TGFB2: variants seen among roughly 807,000 people sequenced by gnomAD.
The protein encoded by TGFB2 is transforming growth factor beta 2.
A neutral mutation model predicts 42.7 loss-of-function variants in TGFB2; 13 were observed. The ratio of observed to expected loss-of-function variants is 0.30; its 90% confidence interval spans 0.20 to 0.48. The LOEUF (loss-of-function observed/expected upper bound fraction) is 0.48, where lower values mean the gene tolerates loss of function less well. Ranked by LOEUF, TGFB2 falls within the 20% of genes least tolerant of loss-of-function variation. The probability of loss-of-function intolerance (pLI) is 0.99; values close to 1 mark genes in which losing one functional copy is unlikely to be tolerated. For missense variants in TGFB2, 390 were observed against 517.5 expected (o/e 0.75, Z 2.39); for synonymous variants, 193 against 193.6 (o/e 1.00, Z 0.03).
chr1:218,366,346 G>T (rs937482267), intron 1 of TGFB2, among the ~76,000 whole-genome samples: 14 of 152,050 alleles, frequency 9.2e-5, no homozygotes, highest in South Asian at 6.3e-4. Flanking sequence ...TCTCTCTGTT[G>T]TCCAGGCTGG....
chr1:218,423,928 T>G (rs1659537679), intron 2 of TGFB2, among the ~76,000 whole-genome samples: 1 of 152,252 alleles, frequency 6.6e-6, no homozygotes, highest in African/African-American at 2.4e-5. Flanking sequence ...AGCCATAGTT[T>G]AGGCTTGTCT....
At chr1:218,369,863 A>G (rs1657516334) in intron 1 of TGFB2, among the ~76,000 whole-genome samples, 1 of 152,250 alleles carries the variant, frequency 6.6e-6, no homozygotes, top group South Asian at 2.1e-4. Flanking sequence ...ATGAGGTCAT[A>G]AGCCAGAGAA....
At chr1:218,390,671 T>C (rs748204550) in intron 1 of TGFB2, among the ~76,000 whole-genome samples, 11 of 152,220 alleles carry the variant, frequency 7.2e-5, no homozygotes, top group Non-Finnish European at 1.6e-4. Flanking sequence ...AGGCTGTTTT[T>C]CTTCCTCTCA....
At chr1:218,396,618 G>C (rs1472576741) in intron 1 of TGFB2, among the ~76,000 whole-genome samples, 1 of 151,466 alleles carries the variant, frequency 6.6e-6, no homozygotes, top group African/African-American at 2.4e-5. Flanking sequence ...TGGCTATATA[G>C]AAAGTAAGTC....
At chr1:218,406,181 T>C (rs781303154) in intron 2 of TGFB2, among the ~76,000 whole-genome samples, 3 of 139,096 alleles carry the variant, frequency 2.2e-5, no homozygotes, top group Non-Finnish European at 3.0e-5. Flanking sequence ...GTCTCCAGTC[T>C]ACCCACTCAA....
chr1:218,430,177 G>A (rs753151347), intron 2 of TGFB2, among the ~76,000 whole-genome samples: 4 of 152,108 alleles, frequency 2.6e-5, no homozygotes, highest in Non-Finnish European at 5.9e-5. Flanking sequence ...TTGGGAGGCT[G>A]AGGTGGGTGG....
chr1:218,425,970 C>CAAACATTTA (rs1171016123), intron 2 of TGFB2, among the ~76,000 whole-genome samples: 2 of 152,182 alleles, frequency 1.3e-5, no homozygotes, highest in Non-Finnish European at 2.9e-5. Context: ...CAAGTCACTG[C>CAAACATTTA]AAACATTTAA....
At chr1:218,361,514 T>C (rs1215317550) in intron 1 of TGFB2, among the ~76,000 whole-genome samples, 1 of 152,156 alleles carries the variant, frequency 6.6e-6, no homozygotes, top group Admixed American at 6.5e-5. Context: ...CACCACGGCG[T>C]ACACTGGCCT....
intron 2 of TGFB2, among the ~76,000 whole-genome samples, chr1:218,408,623 A>T (rs1473650098): frequency 1.3e-5 from 2 of 152,154 alleles, no homozygotes; most frequent in Non-Finnish European, 2.9e-5. Context: ...AGAGAAGACA[A>T]CTCACACACA....
At chr1:218,439,114 A>C (rs566916875) in intron 6 of TGFB2, among the ~76,000 whole-genome samples, 2 of 151,748 alleles carry the variant, frequency 1.3e-5, no homozygotes, top group South Asian at 4.2e-4. Flanking sequence ...TCTCAAAAAA[A>C]AAAAAAAAAA....
intron 2 of TGFB2, 65 bp from the exon 3 acceptor site, chr1:218,434,017 T>C: frequency 6.3e-7 from 1 of 1,595,160 alleles, no homozygotes; most frequent in Non-Finnish European, 8.6e-7. Flanking sequence ...CTGTTAATAG[T>C]TTTGGTTTAG....
intron 2 of TGFB2, among the ~76,000 whole-genome samples, chr1:218,416,211 G>C (rs1659273908): frequency 6.6e-6 from 1 of 151,980 alleles, no homozygotes; most frequent in African/African-American, 2.4e-5. Context: ...CTCATCTCCT[G>C]TCTTGTTACT....
chr1:218,391,866 T>A (rs1284734381), intron 1 of TGFB2, among the ~76,000 whole-genome samples: 3 of 152,214 alleles, frequency 2.0e-5, no homozygotes, highest in African/African-American at 4.8e-5. Flanking sequence ...AGGAAGGGGA[T>A]AGATAGTTCT....
intron 1 of TGFB2, among the ~76,000 whole-genome samples, chr1:218,381,495 C>T (rs1470082065): frequency 2.6e-5 from 4 of 152,012 alleles, no homozygotes; most frequent in African/African-American, 7.3e-5. Context: ...ACCTCGTGAT[C>T]CACCCGCCTC....
chr1:218,429,644 A>G (rs921521493), intron 2 of TGFB2, among the ~76,000 whole-genome samples: 1 of 152,234 alleles, frequency 6.6e-6, no homozygotes, highest in Non-Finnish European at 1.5e-5. Flanking sequence ...GGGTAATTCA[A>G]TGTTTGCCTT....
chr1:218,345,915 C>A lies in TGFB2; in HGVS notation c.-787C>A, dbSNP rs895401275. 2.0e-5 allele frequency among the ~76,000 whole-genome samples: 3 copies of A among 151,896 alleles called. No homozygotes were observed. The highest frequency in any genetic ancestry group is 7.3e-5 in the African/African-American group (3 of 41,366). On this transcript the variant is annotated 5_prime_UTR_variant, in exon 1 of 7. Transcript: ENST00000366930. Reference sequence around the variant, plus strand: ...CGCGCGCCCGCCAGGGTGTAGGCCACGGAGCGCAGCTCCCAGAGCAGGATC... The same window carrying A: ...CGCGCGCCCGCCAGGGTGTAGGCCAAGGAGCGCAGCTCCCAGAGCAGGATC...
At chr1:218,420,535 T>A (rs568582465) in intron 2 of TGFB2, among the ~76,000 whole-genome samples, 1 of 152,162 alleles carries the variant, frequency 6.6e-6, no homozygotes, top group Non-Finnish European at 1.5e-5. Flanking sequence ...CAAAGGTTCA[T>A]CTGTAAAGTT....
rs144023304 is a variant in TGFB2 at position 218,417,852 on chromosome 1, T to G, written c.510+12520T>G. 5.0e-3 allele frequency among the ~76,000 whole-genome samples: 768 copies of G among 152,312 alleles called. 5 individuals are homozygous for G. The highest frequency in any genetic ancestry group is 0.027 in the Admixed American group (412 of 15,296). ...GTGCAAGCCCCAAGCCTTGGCAGCT[T>G]CTACATGGTGTTGAGCCTGTGAGTG... is the stretch of plus-strand genomic sequence containing the variant. On this transcript the variant is annotated intron_variant, in intron 2 of 6. Transcript: ENST00000366930.
At chr1:218,411,009 C>T (rs965450546) in intron 2 of TGFB2, among the ~76,000 whole-genome samples, 1 of 151,746 alleles carries the variant, frequency 6.6e-6, no homozygotes, top group African/African-American at 2.4e-5. Context: ...TCTAAGGGTA[C>T]CCATAACTTC....
Sources: gnomAD v4.1 joint callset for allele counts (sites outside exome capture counted in the v4.1 genomes callset) on GRCh38, gnomAD v4.1.1 for gene constraint, MANE v1.5 for transcripts, NCBI Gene and HGNC (gene_info 2026-07-23, HGNC 2026-07-21) for gene names.